The following STAB2 variants were observed in gnomAD, a reference collection of about 807,000 sequenced individuals.
STAB2 encodes the protein stabilin-2.
In STAB2, 288 loss-of-function variants were observed where a neutral mutation model predicts 338.1. That is an observed-to-expected ratio of 0.85 (90% CI 0.77 to 0.94). The LOEUF (loss-of-function observed/expected upper bound fraction) is 0.94, where lower values mean the gene tolerates loss of function less well. Among genes scored for constraint, STAB2 ranks in the 40% least tolerant of loss-of-function variants. The pLI is 0.00. For missense variants in STAB2, 3,141 were observed against 3,210.1 expected (o/e 0.98, Z 0.52); for synonymous variants, 1,202 against 1,193.3 (o/e 1.01, Z -0.15).
At chr12:103,753,825 G>A (rs1414965904) in intron 61 of STAB2, among the ~76,000 whole-genome samples, 2 of 152,202 alleles carry the variant, frequency 1.3e-5, no homozygotes, top group Non-Finnish European at 2.9e-5. Context: ...CGAGCCTAGG[G>A]TGGATCTCCC....
Position 103,758,207 on chromosome 12 carries a change from G to T in STAB2, c.7025G>T (p.Arg2342Leu), listed in dbSNP as rs151063567. The change falls in exon 64 of 69, where the codon CGT becomes CTT. Residue 2342 changes from arginine (R) to leucine (L), a missense_variant. Transcript: ENST00000388887. ...LAYSNSSARG[R>L]AFLEHLTDLS... ...TATTCCAACAGCTCAGCTCGAGGCC[G>T]TGCATTTCTAGAACACCTGACTGAC... The T allele has an allele frequency of 9.9e-6, 16 of 1,614,038 alleles. No individual in the cohort carries two copies. Among genetic ancestry groups the T allele is most frequent in the Non-Finnish European group, 1.3e-5 (15 of 1,180,032 alleles).
At chr12:103,750,373 C>T (rs1883519364) in intron 59 of STAB2, among the ~76,000 whole-genome samples, 1 of 152,196 alleles carries the variant, frequency 6.6e-6, no homozygotes, top group Non-Finnish European at 1.5e-5. Context: ...GAGGAAGTCA[C>T]ATTTGAACTG....
chr12:103,736,900 C>T (rs1292743080), intron 52 of STAB2, among the ~76,000 whole-genome samples: 1 of 152,124 alleles, frequency 6.6e-6, no homozygotes, highest in Admixed American at 6.5e-5. Context: ...ATAATGTATC[C>T]ATCAACTTAC....
intron 34 of STAB2, among the ~76,000 whole-genome samples, chr12:103,702,347 G>A (rs916880583): frequency 2.0e-5 from 3 of 150,586 alleles, no homozygotes; most frequent in Non-Finnish European, 4.4e-5. Flanking sequence ...GCCGGACTGC[G>A]GACTGCAGTG....
chr12:103,716,039 A>G (rs1880285979), intron 43 of STAB2, 151 bp downstream of exon 43: 1 of 903,914 alleles, frequency 1.1e-6, no homozygotes, highest in Non-Finnish European at 1.6e-6. Flanking sequence ...AAGAATCAAG[A>G]GGCCCTTCTT....
chr12:103,635,517 C>T (rs1957530634), intron 6 of STAB2, among the ~76,000 whole-genome samples: 1 of 152,214 alleles, frequency 6.6e-6, no homozygotes, highest in African/African-American at 2.4e-5. Flanking sequence ...GCACACTGTC[C>T]AGTGCTTGAC....
intron 9 of STAB2, among the ~76,000 whole-genome samples, chr12:103,646,261 G>A (rs1357501840): frequency 6.6e-6 from 1 of 152,180 alleles, no homozygotes; most frequent in Non-Finnish European, 1.5e-5. Context: ...TATTTCTCCA[G>A]GTAAAATCAG....
rs777138483 is a variant in STAB2 at position 103,746,651 on chromosome 12, A to G, written c.6191A>G (p.Asn2064Ser). ...TCTGCTCATGCCACCTGTAAGGAGA[A>G]CAACACGTGTGAGTGTAACCTGGAT... ...PCSAHATCKE[N>S]NTCECNLDYE... The change falls in exon 58 of 69, where the codon AAC becomes AGC. Residue 2064 changes from asparagine (N) to serine (S), a missense_variant. Physicochemically the swap from Asn to Ser is conservative, Grantham distance 46. Transcript: ENST00000388887. 6.2e-7 allele frequency: 1 copy of G among 1,614,122 alleles called. No homozygotes were observed. Among genetic ancestry groups the G allele is most frequent in the Non-Finnish European group, 8.5e-7 (1 of 1,179,976 alleles).
chr12:103,644,641 T>C (rs1231200518), intron 9 of STAB2, among the ~76,000 whole-genome samples: 1 of 152,222 alleles, frequency 6.6e-6, no homozygotes, highest in African/African-American at 2.4e-5. Flanking sequence ...GGTCCATGTC[T>C]TACTCATCTT....
At chr12:103,744,604 C>A (rs2139136523) in intron 56 of STAB2, among the ~76,000 whole-genome samples, 1 of 151,708 alleles carries the variant, frequency 6.6e-6, no homozygotes, top group African/African-American at 2.4e-5. Flanking sequence ...GTAGCTGGGA[C>A]TAAAGGCGTG....
At chr12:103,591,761 C>A (rs115656569) in intron 2 of STAB2, among the ~76,000 whole-genome samples, 1 of 152,066 alleles carries the variant, frequency 6.6e-6, no homozygotes, top group African/African-American at 2.4e-5. Context: ...TCTTGAAGAC[C>A]TCTTGGGATT....
intron 31 of STAB2, among the ~76,000 whole-genome samples, chr12:103,694,760 T>C (rs1878251738): frequency 1.3e-5 from 2 of 152,144 alleles, no homozygotes; most frequent in African/African-American, 4.8e-5. Context: ...ATTCCAGTGT[T>C]GAATTCTTCA....
At chr12:103,634,504 A>G (rs1957513172) in intron 6 of STAB2, among the ~76,000 whole-genome samples, 3 of 152,266 alleles carry the variant, frequency 2.0e-5, no homozygotes, top group Non-Finnish European at 2.9e-5. Context: ...ACACACTCAC[A>G]TATCTTATAC....
chr12:103,706,777 G>T lies in STAB2; in HGVS notation c.3997-15G>T, dbSNP rs965336231. Reference sequence around the variant, plus strand: ...GGATAGAAGTGCGTTGTCAAGCTTTGTCCTTCTGTTTCAGACGAGAGAATG... The same window carrying T: ...GGATAGAAGTGCGTTGTCAAGCTTTTTCCTTCTGTTTCAGACGAGAGAATG... On this transcript the variant is annotated splice_polypyrimidine_tract_variant and intron_variant, in intron 37 of 68. Coordinates refer to ENST00000388887, the MANE Select transcript of STAB2 (RefSeq NM_017564.10). The T allele has an allele frequency of 4.0e-5, 65 of 1,614,080 alleles. No homozygotes were observed. Among genetic ancestry groups the T allele is most frequent in the Non-Finnish European group, 5.3e-5 (62 of 1,180,038 alleles).
At chr12:103,766,104 G>A (rs773562579) in intron 68 of STAB2, 182 bp from the exon 69 acceptor site, 4 of 768,346 alleles carry the variant, frequency 5.2e-6, no homozygotes, top group South Asian at 2.9e-5. Context: ...TAAAACAGGT[G>A]GCCCTACCCC....
chr12:103,621,222 T>C (rs1282386675), intron 4 of STAB2, among the ~76,000 whole-genome samples: 2 of 152,222 alleles, frequency 1.3e-5, no homozygotes, highest in Non-Finnish European at 2.9e-5. Context: ...ATTGCTGTCA[T>C]TGTTAATATT....
intron 6 of STAB2, among the ~76,000 whole-genome samples, chr12:103,632,866 G>C (rs1438380875): frequency 1.3e-5 from 2 of 152,224 alleles, no homozygotes; most frequent in African/African-American, 4.8e-5. Context: ...TTAAGAAATC[G>C]ACCATTCTGC....
intron 15 of STAB2, among the ~76,000 whole-genome samples, chr12:103,659,947 C>T (rs1015187959): frequency 2.0e-5 from 3 of 152,204 alleles, no homozygotes; most frequent in Non-Finnish European, 4.4e-5. Context: ...TAGCCTTAGA[C>T]ATTCTGAGAA....
chr12:103,664,069 C>T (rs1436704748), intron 18 of STAB2, among the ~76,000 whole-genome samples: 4 of 152,186 alleles, frequency 2.6e-5, no homozygotes, highest in African/African-American at 9.7e-5. Context: ...GCTTCTGTAC[C>T]CTCTAGCCTT....
Sources: allele counts gnomAD v4.1 joint callset (sites outside exome capture counted in the v4.1 genomes callset), GRCh38; gene constraint gnomAD v4.1.1; transcripts MANE v1.5; gene names NCBI Gene and HGNC (gene_info 2026-07-23, HGNC 2026-07-21).